ANKRD30B: variants seen among roughly 807,000 people sequenced by gnomAD.
The protein encoded by ANKRD30B is ankyrin repeat domain-containing protein 30B.
Under a neutral mutation model 202.2 loss-of-function variants are expected in ANKRD30B, and 144 were observed. The ratio of observed to expected loss-of-function variants is 0.71; its 90% CI spans 0.62 to 0.82. The LOEUF is 0.82. Ranked by LOEUF, ANKRD30B falls within the 40% of genes least tolerant of loss-of-function variation. The pLI, the probability that ANKRD30B is intolerant of heterozygous loss-of-function variation, is 0.00. For missense variants in ANKRD30B, 1,487 were observed against 1,669.1 expected (o/e 0.89, Z 1.90); for synonymous variants, 508 against 561.3 (o/e 0.91, Z 1.34).
At chr18:14,749,716 G>T (rs1416241283) in intron 1 of ANKRD30B, among the ~76,000 whole-genome samples, 2 of 145,654 alleles carry the variant, frequency 1.4e-5, no homozygotes, top group Non-Finnish European at 3.0e-5. Context: ...CAGATTGTTT[G>T]CTAACAGCTG....
the ANKRD30B span, among the ~76,000 whole-genome samples, chr18:14,895,920 T>C: frequency 2.0e-5 from 3 of 152,194 alleles, no homozygotes; most frequent in Non-Finnish European, 4.4e-5. Context: ...TCAGTGAAAC[T>C]ATTCTGCTTA....
In ANKRD30B at chr18:14,852,193, T is replaced by A. The variant is rs774263062; in HGVS notation, c.4249T>A (p.Ser1417Thr). The change falls in exon 42 of 44, where the codon TCT becomes ACT. Residue 1417 changes from serine to threonine, a missense_variant. Ser to Thr is a moderately conservative substitution (Grantham distance 58). Coordinates refer to ENST00000690538, the MANE Select transcript of ANKRD30B (RefSeq NM_001367607.2). ...GGACAAACACACTGAACAGCAGGAGTCTCTGGAGCAGAAATTATTTCAACT... is the reference window on the plus strand; with the variant it reads ...GGACAAACACACTGAACAGCAGGAGACTCTGGAGCAGAAATTATTTCAACT... ...NVDKHTEQQE[S>T]LEQKLFQLES... 26 of 1,592,670 alleles carry A rather than the reference T, an allele frequency of 1.6e-5. No individual in the cohort carries two copies. Among genetic ancestry groups the A allele is most frequent in the Non-Finnish European group, 2.1e-5 (25 of 1,169,550 alleles).
At chr18:14,896,239 T>C in the ANKRD30B span, among the ~76,000 whole-genome samples, 5 of 151,928 alleles carry the variant, frequency 3.3e-5, no homozygotes, top group Non-Finnish European at 5.9e-5. Context: ...TTGTGCCATT[T>C]CCCTGCCTCA....
chr18:14,750,670 G>A (rs1293075981), intron 1 of ANKRD30B, among the ~76,000 whole-genome samples: 2 of 152,010 alleles, frequency 1.3e-5, no homozygotes, highest in Non-Finnish European at 2.9e-5. Flanking sequence ...GTATTAAAAA[G>A]AATCCATTTA....
the ANKRD30B span, among the ~76,000 whole-genome samples, chr18:14,886,898 A>C: frequency 6.6e-6 from 1 of 152,118 alleles, no homozygotes; most frequent in East Asian, 1.9e-4. Context: ...TCCCAGGAGT[A>C]TATCTGAGGA....
intron 6 of ANKRD30B, 106 bp downstream of exon 6, chr18:14,760,724 TTACATATA>T (rs1234490090): frequency 2.8e-6 from 2 of 723,040 alleles, no homozygotes; most frequent in Non-Finnish European, 4.7e-6. Flanking sequence ...TAGCATGTGT[TTACATATA>T]TACATATATG....
the ANKRD30B span, among the ~76,000 whole-genome samples, chr18:14,871,793 G>A: frequency 5.9e-5 from 9 of 152,068 alleles, no homozygotes; most frequent in Admixed American, 4.6e-4. Flanking sequence ...GGGAAGCCGA[G>A]GTGGGAGGAA....
Position 14,763,847 on chromosome 18 carries a change from T to G in ANKRD30B, c.982T>G (p.Phe328Val). 1 of 1,613,052 alleles carries G rather than the reference T, an allele frequency of 6.2e-7. No individual in the cohort carries two copies. The highest frequency in any genetic ancestry group is 8.5e-7 in the Non-Finnish European group (1 of 1,179,576). Residue 328 changes from phenylalanine (F) to valine (V), a missense_variant, in exon 7 of 44, where the codon TTT becomes GTT. Phe to Val is a conservative substitution (Grantham distance 50). This residue lies in a region of ANKRD30B where 889 missense variants were observed against 841.4 expected (regional missense o/e 1.06). Coordinates refer to ENST00000690538, the MANE Select transcript of ANKRD30B (RefSeq NM_001367607.2). ...TCTGGGGAAAGCAACATCTGGAAAG[T>G]TTGAACAGTCAACAGAAGAAACACC... ...QCLGKATSGKFEQSTEETPRK... is the reference protein window; with the variant it reads ...QCLGKATSGKVEQSTEETPRK...
chr18:14,898,313 A>G, the ANKRD30B span, among the ~76,000 whole-genome samples: 2 of 152,262 alleles, frequency 1.3e-5, no homozygotes, highest in South Asian at 4.1e-4. Context: ...GTTCAGGATG[A>G]AACTGTTCCA....
chr18:14,909,399 A>G, the ANKRD30B span, among the ~76,000 whole-genome samples: 7 of 152,080 alleles, frequency 4.6e-5, no homozygotes, highest in African/African-American at 1.7e-4. Flanking sequence ...ACGATCTAAT[A>G]AGGAAGGCGC....
chr18:14,806,478 T>C (rs1210950343), intron 24 of ANKRD30B, among the ~76,000 whole-genome samples: 2 of 151,036 alleles, frequency 1.3e-5, no homozygotes, highest in Admixed American at 1.3e-4. Flanking sequence ...TGACCCGTCC[T>C]GATTTTAAAA....
At position 14,840,698 on chromosome 18, in the gene ANKRD30B, T is replaced by G. The variant is rs553607049; in HGVS notation, c.3079+20T>G. 1.3e-4 allele frequency: 180 copies of G among 1,334,392 alleles called. No homozygotes were observed. In the African/African-American group the frequency reaches 2.3e-3, roughly 17 times the overall value. The allele number at this position is 1,334,392 out of a possible 1,614,324, so 82.7% of individuals were successfully genotyped here. A position where few individuals can be genotyped will look rare whatever the true frequency, so the allele number is the denominator to read the frequency against. On this transcript the variant is annotated intron_variant, in intron 37 of 43. Coordinates refer to ENST00000690538, the MANE Select transcript of ANKRD30B (RefSeq NM_001367607.2). Reference sequence around the variant, plus strand: ...TAGAAGGTAAGAACCATTTTTTATTTAAAACATCTTTTGTCCAAATGTTTG... The same window carrying G: ...TAGAAGGTAAGAACCATTTTTTATTGAAAACATCTTTTGTCCAAATGTTTG...
At chr18:14,753,284 T>C (rs1913765153) in intron 3 of ANKRD30B, among the ~76,000 whole-genome samples, 1 of 152,190 alleles carries the variant, frequency 6.6e-6, no homozygotes, top group South Asian at 2.1e-4. Flanking sequence ...TTTTTTTCTT[T>C]CCAATTAGTG....
intron 28 of ANKRD30B, among the ~76,000 whole-genome samples, chr18:14,811,234 G>A (rs1246924821): frequency 3.3e-5 from 5 of 151,344 alleles, no homozygotes; most frequent in Admixed American, 6.6e-5. Context: ...TCGCTGTCTC[G>A]CCCATCTCGT....
chr18:14,822,414 C>A, intron 30 of ANKRD30B, 69 bp from the exon 31 acceptor site: 3 of 894,378 alleles, frequency 3.4e-6, no homozygotes, highest in Non-Finnish European at 5.4e-6. Flanking sequence ...CATATTCACA[C>A]TGCATGAATG....
chr18:14,865,943 C>A, the ANKRD30B span, among the ~76,000 whole-genome samples: 1 of 152,132 alleles, frequency 6.6e-6, no homozygotes, highest in African/African-American at 2.4e-5. Context: ...ATGAATATGC[C>A]TTTCCTGGAC....
Position 14,748,359 on chromosome 18 carries a change from G to A in ANKRD30B, c.-61G>A, listed in dbSNP as rs1219992390. 6 of 1,346,408 alleles carry A rather than the reference G, an allele frequency of 4.5e-6. No individual in the cohort carries two copies. The highest frequency in any genetic ancestry group is 3.2e-5 in the Admixed American group (1 of 31,692). The allele number at this position is 1,346,408 out of a possible 1,614,324, so 83.4% of individuals were successfully genotyped here. On this transcript the variant is annotated 5_prime_UTR_variant, in exon 1 of 44. Coordinates refer to ENST00000690538, the MANE Select transcript of ANKRD30B (RefSeq NM_001367607.2). ...GGGTAAGCGGGAAGCGAGGGCGAGG[G>A]GTAGGGGCTGGGGAAGGGCGAGCGG...
In ANKRD30B at chr18:14,797,843, C is replaced by A. The variant is rs1969023616; in HGVS notation, c.2018C>A (p.Thr673Lys). ...GCCTTAGAATTAAAGGACAGAGAAA[C>A]ACTCAAAGCAGGTACATTTTGTAAT... ...NKALELKDRE[T>K]LKAESPDNDG... Residue 673 changes from threonine (T) to lysine (K), a missense_variant, in exon 20 of 44, where the codon ACA becomes AAA. By Grantham distance (78) the Thr-to-Lys change is moderately conservative. Transcript: ENST00000690538. 2 of 1,547,900 alleles carry A rather than the reference C, an allele frequency of 1.3e-6. No individual in the cohort carries two copies. The highest frequency in any genetic ancestry group is 1.7e-6 in the Non-Finnish European group (2 of 1,146,054).
chr18:14,843,219 G>T (rs1971494706), intron 39 of ANKRD30B, 123 bp downstream of exon 39: 1 of 1,017,118 alleles, frequency 9.8e-7, no homozygotes, highest in African/African-American at 1.7e-5. Flanking sequence ...AATGTCAATA[G>T]TGGTATCCAC....
Sources: gnomAD v4.1 joint callset for allele counts (sites outside exome capture counted in the v4.1 genomes callset) on GRCh38, gnomAD v4.1.1 for gene constraint, gnomAD v4.1.1 regional missense constraint, MANE v1.5 for transcripts, NCBI Gene and HGNC (gene_info 2026-07-23, HGNC 2026-07-21) for gene names.